ANKH: variants seen among roughly 807,000 people sequenced by gnomAD.
ANKH encodes the protein mineralization regulator ANKH.
ANKH carries 15 observed loss-of-function variants against 49.0 expected under a neutral mutation model. The observed-to-expected ratio is 0.31, with a 90% CI of 0.20 to 0.47. The LOEUF (loss-of-function observed/expected upper bound fraction) is 0.47. ANKH is among the 20% of genes least tolerant of loss of function. The probability of loss-of-function intolerance (pLI) is 1.00; values close to 1 mark genes in which losing one functional copy is unlikely to be tolerated. For synonymous variants in ANKH, 273 were observed against 260.0 expected (o/e 1.05, Z -0.48); for missense variants, 429 against 652.0 (o/e 0.66, Z 3.72).
intron 8 of ANKH, among the ~76,000 whole-genome samples, chr5:14,730,388 G>A (rs1321768573): frequency 2.6e-5 from 4 of 152,120 alleles, no homozygotes; most frequent in Non-Finnish European, 4.4e-5. Flanking sequence ...GAAAAGAGGC[G>A]AATATGATCT....
rs1009137407 is a variant in ANKH at position 14,711,102 on chromosome 5, A to C, written c.*95T>G. 1 of 1,169,816 alleles carries C rather than the reference A, an allele frequency of 8.5e-7. No homozygotes were observed. The allele number at this position is 1,169,816 out of a possible 1,614,324, so 72.5% of individuals were successfully genotyped here. A position where few individuals can be genotyped will look rare whatever the true frequency, so the allele number is the denominator to read the frequency against. On this transcript the variant is annotated 3_prime_UTR_variant, in exon 12 of 12. Coordinates refer to ENST00000284268, the MANE Select transcript of ANKH (RefSeq NM_054027.6). The stretch of plus-strand genomic sequence containing the variant: ...CTCTTTCATTACCAAAACAAAACAA[A>C]AAAAAGGGAACAAAATACGATGGGA...
Position 14,710,967 on chromosome 5 carries a change from G to T in ANKH, c.*230C>A, listed in dbSNP as rs1561015575. On this transcript the variant is annotated 3_prime_UTR_variant, in exon 12 of 12. Transcript: ENST00000284268. ...GTGAGGCAGGGGTATGAAGTCAGTT[G>T]TTTCGTTTGTTTTTACATAGCAACA... is the stretch of plus-strand genomic sequence containing the variant. The T allele has an allele frequency of 2.3e-5, 12 of 527,928 alleles. No homozygotes were observed. Among genetic ancestry groups the T allele is most frequent in the Non-Finnish European group, 3.4e-5 (10 of 291,004 alleles). The allele number at this position is 527,928 out of a possible 1,614,324, so 32.7% of individuals were successfully genotyped here.
intron 6 of ANKH, among the ~76,000 whole-genome samples, chr5:14,747,017 T>A (rs140820212): frequency 6.6e-6 from 1 of 152,290 alleles, no homozygotes; most frequent in East Asian, 1.9e-4. Context: ...TTATTTTGGA[T>A]TCTCAAAATG....
intron 1 of ANKH, among the ~76,000 whole-genome samples, chr5:14,861,133 A>G (rs1735476604): frequency 6.6e-6 from 1 of 152,166 alleles, no homozygotes. Context: ...ATGTGGACTC[A>G]CTATAATTTG....
At chr5:14,867,106 A>G (rs1021082625) in intron 1 of ANKH, among the ~76,000 whole-genome samples, 1 of 150,644 alleles carries the variant, frequency 6.6e-6, no homozygotes, top group African/African-American at 2.5e-5. Flanking sequence ...GCATTGAGCC[A>G]AGATCACACC....
intron 2 of ANKH, among the ~76,000 whole-genome samples, chr5:14,763,925 C>A (rs1363720360): frequency 6.6e-6 from 1 of 151,950 alleles, no homozygotes; most frequent in Non-Finnish European, 1.5e-5. Flanking sequence ...CTCGTCTCTA[C>A]TAAAAATACA....
chr5:14,746,399 G>A (rs1419381614), intron 6 of ANKH, among the ~76,000 whole-genome samples: 1 of 151,816 alleles, frequency 6.6e-6, no homozygotes, highest in Non-Finnish European at 1.5e-5. Context: ...GAAATTATAG[G>A]AAGTCGGAGC....
chr5:14,871,337 G>A lies in ANKH; in HGVS notation c.96+15C>T, dbSNP rs544582199. On this transcript the variant is annotated intron_variant, in intron 1 of 11. Coordinates refer to ENST00000284268, the MANE Select transcript of ANKH (RefSeq NM_054027.6). Reference sequence around the variant, plus strand: ...GGCAGGGCGAGCGGGCGTGGGGCGCGGGGCCGGGGCTTACCTGCTCCCCGA... The same window carrying A: ...GGCAGGGCGAGCGGGCGTGGGGCGCAGGGCCGGGGCTTACCTGCTCCCCGA... 3.1e-6 allele frequency: 5 copies of A among 1,608,324 alleles called. No individual in the cohort carries two copies. The highest frequency in any genetic ancestry group is 3.4e-6 in the Non-Finnish European group (4 of 1,176,100).
At position 14,770,787 on chromosome 5, in the gene ANKH, C is replaced by T. The variant is rs369586434; in HGVS notation, c.97-1596G>A. On this transcript the variant is annotated intron_variant, in intron 1 of 11. Coordinates refer to ENST00000284268, the MANE Select transcript of ANKH (RefSeq NM_054027.6). This position sits in a 1 kb window ranked among gnomAD's most constrained non-coding sequence, Gnocchi z 4.1. ...GGGGTGACTAGTGTAATGTAGTTTA[C>T]ATTAGGGCTTACTCTTGGTATATTG... Among the ~76,000 whole-genome samples, 165 of 152,282 alleles carry T rather than the reference C, an allele frequency of 1.1e-3. No homozygotes were observed. The highest frequency in any genetic ancestry group is 3.8e-3 in the African/African-American group (160 of 41,564).
At chr5:14,747,409 G>A (rs189389268) in intron 6 of ANKH, among the ~76,000 whole-genome samples, 55 of 152,028 alleles carry the variant, frequency 3.6e-4, no homozygotes, top group Admixed American at 7.2e-4. Context: ...GCGAGACACC[G>A]TCTCTACAAA....
chr5:14,832,139 G>T (rs749728140), intron 1 of ANKH, among the ~76,000 whole-genome samples: 1 of 151,710 alleles, frequency 6.6e-6, no homozygotes, highest in Non-Finnish European at 1.5e-5. Context: ...AATACAGGTG[G>T]TTTATATATA....
At position 14,706,621 on chromosome 5, in the gene ANKH, T is replaced by G. The variant is rs773265367; in HGVS notation, c.*4576A>C. On this transcript the variant is annotated 3_prime_UTR_variant, in exon 12 of 12. Coordinates refer to ENST00000284268, the MANE Select transcript of ANKH (RefSeq NM_054027.6). Reference sequence around the variant, plus strand: ...TGATTCCACAATGCAATTTCTCTCATTTTGAACATTTGCATGATTTTAGAC... The same window carrying G: ...TGATTCCACAATGCAATTTCTCTCAGTTTGAACATTTGCATGATTTTAGAC... 11 of 152,226 alleles carry G rather than the reference T, an allele frequency of 7.2e-5. No individual in the cohort carries two copies. Among genetic ancestry groups the G allele is most frequent in the Non-Finnish European group, 1.2e-4 (8 of 68,044 alleles). 9.4% of individuals were successfully genotyped at this position (152,226 alleles called of 1,614,324 possible).
At chr5:14,754,907 CT>C (rs1342288246) in intron 4 of ANKH, among the ~76,000 whole-genome samples, 1 of 152,072 alleles carries the variant, frequency 6.6e-6, no homozygotes, top group African/African-American at 2.4e-5. Flanking sequence ...GAAGCCCCAT[CT>C]CTACTAAAAA....
chr5:14,791,625 G>A (rs1740168617), intron 1 of ANKH, among the ~76,000 whole-genome samples: 1 of 152,144 alleles, frequency 6.6e-6, no homozygotes, highest in African/African-American at 2.4e-5. Context: ...GCAAAATCAA[G>A]CCCACTTACT....
intron 1 of ANKH, among the ~76,000 whole-genome samples, chr5:14,841,223 C>T (rs1413290514): frequency 6.6e-6 from 1 of 151,524 alleles, no homozygotes; most frequent in Non-Finnish European, 1.5e-5. Context: ...ATAATTAATG[C>T]ATAAAATATG....
chr5:14,870,433 TA>T (rs1735779195), intron 1 of ANKH: 1 of 151,990 alleles, frequency 6.6e-6, no homozygotes. Flanking sequence ...TCTCTTGACT[TA>T]AAAGGAAAGA....
At chr5:14,752,735 C>T (rs1303392221) in intron 4 of ANKH, among the ~76,000 whole-genome samples, 4 of 150,970 alleles carry the variant, frequency 2.6e-5, no homozygotes, top group Non-Finnish European at 4.4e-5. Context: ...GACTGAGGAG[C>T]GGGTAGTCAA....
At chr5:14,766,309 T>G (rs1043283990) in intron 2 of ANKH, among the ~76,000 whole-genome samples, 15 of 152,136 alleles carry the variant, frequency 9.9e-5, no homozygotes, top group Admixed American at 1.3e-4. Flanking sequence ...GGTGGGAGAA[T>G]TGATTGAGCC....
At chr5:14,758,724 C>T in intron 2 of ANKH, 126 bp from the exon 3 acceptor site, 1 of 777,486 alleles carries the variant, frequency 1.3e-6, no homozygotes, top group Non-Finnish European at 2.2e-6. Flanking sequence ...ATTAGATAAG[C>T]AAATAGAAAA....
Sources: allele counts gnomAD v4.1 joint callset (sites outside exome capture counted in the v4.1 genomes callset), GRCh38; gene constraint gnomAD v4.1.1; non-coding constraint Gnocchi (gnomAD v3.1); transcripts MANE v1.5; gene names NCBI Gene and HGNC (gene_info 2026-07-23, HGNC 2026-07-21).